The following UBE2G1 variants were observed in gnomAD, a reference collection of about 807,000 sequenced individuals.
The protein encoded by UBE2G1 is ubiquitin conjugating enzyme E2 G1, also known as ubiquitin-conjugating enzyme E2 G1.
In UBE2G1, 5 loss-of-function variants were observed where a neutral mutation model predicts 22.7. That is an observed-to-expected ratio of 0.22 (90% CI 0.12 to 0.46). The LOEUF is 0.46. Among genes scored for constraint, UBE2G1 ranks in the 20% least tolerant of loss-of-function variants. UBE2G1 has a pLI of 0.99. For missense variants in UBE2G1, 88 were observed against 203.9 expected (o/e 0.43, Z 3.46); for synonymous variants, 74 against 67.5 (o/e 1.10, Z -0.47).
chr17:4,314,289 T>G (rs1318207017), intron 1 of UBE2G1, among the ~76,000 whole-genome samples: 6 of 152,186 alleles, frequency 3.9e-5, no homozygotes, highest in Non-Finnish European at 7.3e-5. Flanking sequence ...CGAGTAATAC[T>G]ATGGTATTGT....
At chr17:4,365,456 C>T (rs1970021904) in intron 1 of UBE2G1, among the ~76,000 whole-genome samples, 2 of 152,338 alleles carry the variant, frequency 1.3e-5, no homozygotes, top group South Asian at 4.1e-4. Flanking sequence ...GGGAGGGGGG[C>T]CGCAGGCTCC....
chr17:4,332,181 G>A (rs1014001232), intron 1 of UBE2G1, among the ~76,000 whole-genome samples: 1 of 151,726 alleles, frequency 6.6e-6, no homozygotes, highest in Admixed American at 6.6e-5. Flanking sequence ...ATTTTACATT[G>A]TGTTCACTTT....
chr17:4,276,037 AAG>A (rs1412787753), intron 5 of UBE2G1, among the ~76,000 whole-genome samples: 3 of 152,092 alleles, frequency 2.0e-5, no homozygotes, highest in Admixed American at 2.0e-4. Flanking sequence ...TGCAGTCTCC[AAG>A]TTGTCCTTGC....
intron 1 of UBE2G1, among the ~76,000 whole-genome samples, chr17:4,315,462 C>T (rs910405194): frequency 8.5e-5 from 13 of 152,074 alleles, no homozygotes; most frequent in Admixed American, 5.9e-4. Context: ...TACTTTTGGC[C>T]GGGCGCTGTG....
At chr17:4,363,481 A>G (rs926223631) in intron 1 of UBE2G1, among the ~76,000 whole-genome samples, 11 of 152,144 alleles carry the variant, frequency 7.2e-5, no homozygotes, top group Admixed American at 2.0e-4. Context: ...TGCTATATAC[A>G]TTGTCAAAAA....
chr17:4,357,786 G>A lies in UBE2G1; in HGVS notation c.46+8485C>T, dbSNP rs141036090. On this transcript the variant is annotated intron_variant, in intron 1 of 5. Transcript: ENST00000396981. The stretch of plus-strand genomic sequence containing the variant: ...GCACTCCAGCCTGGGCAACAAGAGC[G>A]GAACTCTGTCTCAAAAAAAACAAAA... Among the ~76,000 whole-genome samples, 1,154 of 151,688 alleles carry A rather than the reference G, an allele frequency of 7.6e-3. 9 individuals are homozygous for A. The highest frequency in any genetic ancestry group is 0.011 in the Non-Finnish European group (748 of 67,908).
chr17:4,321,185 C>T (rs914363193), intron 1 of UBE2G1, among the ~76,000 whole-genome samples: 1 of 152,222 alleles, frequency 6.6e-6, no homozygotes, highest in East Asian at 1.9e-4. Flanking sequence ...ACTTTGCACT[C>T]TCCTTGTACA....
intron 1 of UBE2G1, among the ~76,000 whole-genome samples, chr17:4,317,829 T>TAA (rs1969394060): frequency 6.6e-6 from 1 of 152,230 alleles, no homozygotes; most frequent in Non-Finnish European, 1.5e-5. Flanking sequence ...CACAATAGCA[T>TAA]AAGCATGCAT....
At chr17:4,355,933 C>T (rs1382581444) in intron 1 of UBE2G1, among the ~76,000 whole-genome samples, 65 of 148,114 alleles carry the variant, frequency 4.4e-4, no homozygotes, top group South Asian at 8.7e-4. Context: ...CTCCCAACCT[C>T]AGGTGATCCG....
chr17:4,324,005 G>GA (rs1969473888), intron 1 of UBE2G1, among the ~76,000 whole-genome samples: 2 of 152,158 alleles, frequency 1.3e-5, no homozygotes, highest in South Asian at 4.1e-4. Context: ...CTGGAGAACA[G>GA]AATATGATGC....
chr17:4,366,510 A>T lies in UBE2G1; in HGVS notation c.-194T>A. 2.2e-6 allele frequency: 1 copy of T among 453,024 alleles called. No homozygotes were observed. Among genetic ancestry groups the T allele is most frequent in the Non-Finnish European group, 3.8e-6 (1 of 266,408 alleles). 28.1% of individuals were successfully genotyped at this position (453,024 alleles called of 1,614,324 possible). On this transcript the variant is annotated 5_prime_UTR_variant, in exon 1 of 6. Coordinates refer to ENST00000396981, the MANE Select transcript of UBE2G1 (RefSeq NM_003342.5). The stretch of plus-strand genomic sequence containing the variant: ...GAGTCCGCTCGCTTCAGCTCTTTTC[A>T]CAGCGACTCACGCCCGGAAGGGGAG...
chr17:4,351,189 G>A (rs1969841346), intron 1 of UBE2G1, among the ~76,000 whole-genome samples: 1 of 147,038 alleles, frequency 6.8e-6, no homozygotes, highest in South Asian at 2.1e-4. Context: ...CTGGGGGGTG[G>A]GGGAAAGGTT....
intron 1 of UBE2G1, among the ~76,000 whole-genome samples, chr17:4,359,486 T>C (rs1306598817): frequency 6.6e-6 from 1 of 152,198 alleles, no homozygotes; most frequent in East Asian, 1.9e-4. Context: ...AAAAGAGGTA[T>C]ACATCTCTAC....
chr17:4,294,299 C>T (rs1969078648), intron 3 of UBE2G1, among the ~76,000 whole-genome samples: 1 of 151,882 alleles, frequency 6.6e-6, no homozygotes. Context: ...ACCTGTAATC[C>T]CAGCTACTCA....
intron 1 of UBE2G1, among the ~76,000 whole-genome samples, chr17:4,348,886 T>A (rs940659753): frequency 1.3e-5 from 2 of 148,216 alleles, no homozygotes. Flanking sequence ...AAAATAAAAA[T>A]TAATTAATTA....
At chr17:4,303,740 T>C (rs1319875271) in intron 2 of UBE2G1, among the ~76,000 whole-genome samples, 7 of 152,204 alleles carry the variant, frequency 4.6e-5, no homozygotes, top group African/African-American at 1.7e-4. Flanking sequence ...GAATAGAATT[T>C]TGCAACTGTA....
At chr17:4,287,740 T>C (rs1272556463) in intron 4 of UBE2G1, among the ~76,000 whole-genome samples, 2 of 151,984 alleles carry the variant, frequency 1.3e-5, no homozygotes, top group Non-Finnish European at 2.9e-5. Context: ...ACAAAGGTTC[T>C]AAGAATAAGA....
chr17:4,307,614 G>A (rs1478223462), intron 1 of UBE2G1, among the ~76,000 whole-genome samples: 3 of 152,098 alleles, frequency 2.0e-5, no homozygotes, highest in Admixed American at 6.6e-5. Context: ...TGTAGTCTTG[G>A]GGACCTGCTT....
chr17:4,359,181 T>A (rs932195182), intron 1 of UBE2G1, among the ~76,000 whole-genome samples: 13 of 152,188 alleles, frequency 8.5e-5, no homozygotes, highest in Non-Finnish European at 1.2e-4. Flanking sequence ...AGAACTTTTT[T>A]AAAAATTCCT....
Sources: allele counts gnomAD v4.1 joint callset (sites outside exome capture counted in the v4.1 genomes callset), GRCh38; gene constraint gnomAD v4.1.1; transcripts MANE v1.5; gene names NCBI Gene and HGNC (gene_info 2026-07-23, HGNC 2026-07-21).